The following CYP2C18 variants were observed in gnomAD, a reference collection of about 807,000 sequenced individuals.
CYP2C18 encodes cytochrome P450 2C18.
A neutral mutation model predicts 41.3 loss-of-function variants in CYP2C18; 38 were observed. The observed-to-expected ratio is 0.92, with a 90% CI of 0.71 to 1.21. CYP2C18 has a LOEUF of 1.21. Among genes scored for constraint, CYP2C18 ranks in the 50% most tolerant of loss-of-function variants. The pLI is 0.00. For synonymous variants in CYP2C18, 236 were observed against 210.0 expected, an observed-to-expected ratio of 1.12 and a Z score of -1.07; for missense variants, 635 against 591.4, an observed-to-expected ratio of 1.07 and a Z score of -0.77.
chr10:94,693,734 CA>C (rs1263942548), intron 3 of CYP2C18, among the ~76,000 whole-genome samples: 1 of 152,208 alleles, frequency 6.6e-6, no homozygotes, highest in Non-Finnish European at 1.5e-5. Flanking sequence ...GTTAACTAAA[CA>C]GGGTCCCATT....
chr10:94,690,815 G>C (rs935162544), intron 3 of CYP2C18, among the ~76,000 whole-genome samples: 1 of 152,238 alleles, frequency 6.6e-6, no homozygotes. Context: ...CACACAAAAA[G>C]CTTATCCACC....
chr10:94,720,009 G>T (rs192047350), intron 5 of CYP2C18, among the ~76,000 whole-genome samples: 140 of 152,192 alleles, frequency 9.2e-4, no homozygotes, highest in African/African-American at 3.1e-3. Context: ...ACCACAGATG[G>T]ACTTGTTATA....
intron 5 of CYP2C18, among the ~76,000 whole-genome samples, chr10:94,713,865 C>T (rs1368598836): frequency 4.6e-5 from 7 of 152,126 alleles, no homozygotes; most frequent in Non-Finnish European, 7.4e-5. Flanking sequence ...TTTTAATGAT[C>T]GCCATTCTAA....
rs200173155 is a variant in CYP2C18, at chr10:94,704,329, TA to T, written c.643-2454del. ...GTGTTTTGTTGCCTGCTATAGTTTT[TA>T]TTTTTTTTCTTCTGAAGGCTATAGC... On this transcript the variant is annotated intron_variant, in intron 4 of 8. Coordinates refer to ENST00000285979, the MANE Select transcript of CYP2C18 (RefSeq NM_000772.3). 1.0e-3 allele frequency among the ~76,000 whole-genome samples: 154 copies of T among 149,524 alleles called. 1 individual carries two copies. The highest frequency in any genetic ancestry group is 7.9e-3 in the South Asian group (37 of 4,708).
chr10:94,718,429 T>C (rs1257346672), intron 5 of CYP2C18, among the ~76,000 whole-genome samples: 1 of 152,136 alleles, frequency 6.6e-6, no homozygotes, highest in African/African-American at 2.4e-5. Context: ...TGGATGTCTT[T>C]CATTTATTTT....
At position 94,703,047 on chromosome 10, in the gene CYP2C18, G is replaced by A. The variant is rs2134188027; in HGVS notation, c.643-3737G>A. 2.0e-5 allele frequency among the ~76,000 whole-genome samples: 3 copies of A among 152,320 alleles called. No individual in the cohort carries two copies. The South Asian group carries it at 6.2e-4, about 32-fold the overall frequency. On this transcript the variant is annotated intron_variant, in intron 4 of 8. Transcript: ENST00000285979. ...GGTCCACTCCAGACCCTGTTTGCCT[G>A]GGTATCACCAGCAGCGGCTGCAGAA...
At chr10:94,727,698 G>A (rs189996966) in intron 7 of CYP2C18, among the ~76,000 whole-genome samples, 13 of 152,126 alleles carry the variant, frequency 8.5e-5, no homozygotes, top group African/African-American at 3.1e-4. Flanking sequence ...ACATTACTGG[G>A]AGTGTTAGAA....
chr10:94,707,978 C>T (rs1481303606), intron 5 of CYP2C18, among the ~76,000 whole-genome samples: 1 of 152,128 alleles, frequency 6.6e-6, no homozygotes, highest in African/African-American at 2.4e-5. Context: ...GTGCAAAGTA[C>T]TCTTTGAACT....
chr10:94,715,829 G>T (rs1015974380), intron 5 of CYP2C18, among the ~76,000 whole-genome samples: 1 of 151,464 alleles, frequency 6.6e-6, no homozygotes, highest in African/African-American at 2.4e-5. Context: ...TTTTTTTGTT[G>T]GTAGGCTCTT....
Position 94,683,958 on chromosome 10 carries a change from G to A in CYP2C18, c.139G>A (p.Val47Ile). The A allele has an allele frequency of 1.2e-6, 2 of 1,609,376 alleles. No homozygotes were observed. The highest frequency in any genetic ancestry group is 1.7e-6 in the Non-Finnish European group (2 of 1,177,850). The change falls in exon 1 of 9, where the codon GTT (valine) becomes ATT (isoleucine). Residue 47 changes from valine (V) to isoleucine (I), a missense_variant. Coordinates refer to ENST00000285979, the MANE Select transcript of CYP2C18 (RefSeq NM_000772.3). ...PIIGNILQLD[V>I]KDMSKSLTNF... Reference sequence around the variant, plus strand: ...TATTGGAAATATCCTGCAGTTAGATGTTAAGGACATGAGCAAATCCTTAAC... The same window carrying A: ...TATTGGAAATATCCTGCAGTTAGATATTAAGGACATGAGCAAATCCTTAAC...
chr10:94,693,890 AT>A (rs1847063432), intron 3 of CYP2C18, among the ~76,000 whole-genome samples: 1 of 152,148 alleles, frequency 6.6e-6, no homozygotes, highest in Admixed American at 6.6e-5. Context: ...TTGCCCTTAC[AT>A]TTCAGTATGA....
intron 6 of CYP2C18, among the ~76,000 whole-genome samples, chr10:94,723,369 G>T (rs1183701901): frequency 1.3e-5 from 2 of 152,080 alleles, no homozygotes; most frequent in Non-Finnish European, 2.9e-5. Context: ...GGATCATGGA[G>T]GTGTGAGGGA....
chr10:94,724,494 G>C lies in CYP2C18; in HGVS notation c.1110G>C (p.Val370=). Reference sequence around the variant, plus strand: ...TCCCCACCAACCTGCCCCATGCAGTGACCTGTGATGTTAAATTCAAAAACT... The same window carrying C: ...TCCCCACCAACCTGCCCCATGCAGTCACCTGTGATGTTAAATTCAAAAACT... ...DLLPTNLPHA[V]TCDVKFKNYL... is the part of the protein sequence containing the mutation. The change falls in exon 7 of 9, where the codon GTG becomes GTC. Residue 370 remains valine, a synonymous_variant. Transcript: ENST00000285979. The C allele has an allele frequency of 1.2e-6, 2 of 1,613,524 alleles. No individual in the cohort carries two copies. Among genetic ancestry groups the C allele is most frequent in the Non-Finnish European group, 1.7e-6 (2 of 1,179,674 alleles).
At chr10:94,713,338 C>G (rs1035295948) in intron 5 of CYP2C18, among the ~76,000 whole-genome samples, 7 of 151,966 alleles carry the variant, frequency 4.6e-5, no homozygotes, top group Admixed American at 3.9e-4. Flanking sequence ...CCGCTCCCCC[C>G]ACCCCACAAT....
chr10:94,685,263 G>A (rs1333803605), intron 1 of CYP2C18, among the ~76,000 whole-genome samples: 1 of 151,920 alleles, frequency 6.6e-6, no homozygotes, highest in African/African-American at 2.4e-5. Flanking sequence ...TGAACTCTTG[G>A]GCTCAAGCAA....
intron 5 of CYP2C18, among the ~76,000 whole-genome samples, chr10:94,715,426 A>G (rs1224168652): frequency 6.6e-6 from 1 of 152,048 alleles, no homozygotes. Context: ...TTCTGCATGT[A>G]GTATTGAGAT....
chr10:94,700,015 G>A (rs4600139), intron 4 of CYP2C18, among the ~76,000 whole-genome samples: 2 of 151,984 alleles, frequency 1.3e-5, no homozygotes, highest in African/African-American at 4.8e-5. Flanking sequence ...TTGCTCATGG[G>A]TAGGAAGAAT....
At chr10:94,707,100 G>A in intron 5 of CYP2C18, 140 bp downstream of exon 5, 1 of 529,336 alleles carries the variant, frequency 1.9e-6, no homozygotes, top group African/African-American at 2.1e-5. Flanking sequence ...GCACCATGGA[G>A]AATTTATAAT....
chr10:94,719,589 T>A (rs1453756899), intron 5 of CYP2C18, among the ~76,000 whole-genome samples: 1 of 151,936 alleles, frequency 6.6e-6, no homozygotes, highest in Non-Finnish European at 1.5e-5. Flanking sequence ...TTTATTTTTT[T>A]TTTTGAGAGG....
Sources: allele counts gnomAD v4.1 joint callset (sites outside exome capture counted in the v4.1 genomes callset), GRCh38; gene constraint gnomAD v4.1.1; transcripts MANE v1.5; gene names NCBI Gene and HGNC (gene_info 2026-07-23, HGNC 2026-07-21).